TACR3: variants seen among roughly 807,000 people sequenced by gnomAD.
TACR3 encodes the protein tachykinin receptor 3.
In TACR3, 34 loss-of-function variants were observed where a neutral mutation model predicts 35.0. The ratio of observed to expected loss-of-function variants is 0.97; its 90% CI spans 0.74 to 1.30. The LOEUF is 1.30. Among genes scored for constraint, TACR3 ranks in the 50% most tolerant of loss-of-function variants. The pLI is 0.00. For missense variants in TACR3, 558 were observed against 591.7 expected, an observed-to-expected ratio of 0.94 and a Z score of 0.59; for synonymous variants, 233 against 221.1, an observed-to-expected ratio of 1.05 and a Z score of -0.48.
intron 3 of TACR3, among the ~76,000 whole-genome samples, chr4:103,640,255 A>G (rs1560818694): frequency 1.3e-5 from 2 of 152,102 alleles, no homozygotes; most frequent in Non-Finnish European, 1.5e-5. Flanking sequence ...AAAGATATGT[A>G]TGTATATGTG....
rs539098592 is a variant in TACR3, at chr4:103,645,458, A to G, written c.888+10736T>C. Among the ~76,000 whole-genome samples the G allele has an allele frequency of 9.5e-4, 135 of 142,442 alleles. 1 individual carries two copies. Among genetic ancestry groups the G allele is most frequent in the Middle Eastern group, 3.5e-3 (1 of 288 alleles). The allele number at this position is 142,442 out of a possible 152,430, so 93.4% of individuals were successfully genotyped here. ...TGTTGCTGCTGTTGTCACTTTGGTG[A>G]AATGTATAGCCACAGGAAATTTGAC... On this transcript the variant is annotated intron_variant, in intron 3 of 4. Transcript: ENST00000304883.
intron 3 of TACR3, among the ~76,000 whole-genome samples, chr4:103,596,770 G>T (rs886177536): frequency 6.8e-6 from 1 of 146,648 alleles, no homozygotes; most frequent in African/African-American, 2.5e-5. Flanking sequence ...TACCCCACAA[G>T]AGTCCCCAGT....
At chr4:103,699,390 A>T (rs2110222114) in intron 1 of TACR3, among the ~76,000 whole-genome samples, 1 of 152,272 alleles carries the variant, frequency 6.6e-6, no homozygotes, top group Non-Finnish European at 1.5e-5. Context: ...AAGATTACAG[A>T]GTAACAAAGG....
chr4:103,640,748 AT>A (rs201939645), intron 3 of TACR3, among the ~76,000 whole-genome samples: 88 of 151,258 alleles, frequency 5.8e-4, no homozygotes, highest in African/African-American at 2.0e-3. Context: ...TTTTTTTACG[AT>A]TTTTTTTCTT....
chr4:103,591,216 T>C, intron 4 of TACR3: 1 of 466,226 alleles, frequency 2.1e-6, no homozygotes, highest in Non-Finnish European at 3.9e-6. Flanking sequence ...GGTAAAATTC[T>C]GAGATTTTGG....
At position 103,619,391 on chromosome 4, in the gene TACR3, T is replaced by C. The variant is rs189296063; in HGVS notation, c.889-27708A>G. ...TTTTAGTAGAGACAGGGTTTCACCA[T>C]GTTGGCCAGGCTGGTCTTGAACTCC... On this transcript the variant is annotated intron_variant, in intron 3 of 4. Coordinates refer to ENST00000304883, the MANE Select transcript of TACR3 (RefSeq NM_001059.3). Among the ~76,000 whole-genome samples the C allele has an allele frequency of 9.9e-3, 1,507 of 152,294 alleles. 14 individuals are homozygous for C. The highest frequency in any genetic ancestry group is 0.016 in the Non-Finnish European group (1,111 of 68,026).
At chr4:103,628,037 GA>G (rs1379503268) in intron 3 of TACR3, among the ~76,000 whole-genome samples, 5 of 152,120 alleles carry the variant, frequency 3.3e-5, no homozygotes. Flanking sequence ...ACTTGCTCCC[GA>G]ATGACTACTG....
chr4:103,698,204 G>GGA (rs1553912086), intron 1 of TACR3, among the ~76,000 whole-genome samples: 5 of 150,758 alleles, frequency 3.3e-5, no homozygotes, highest in African/African-American at 1.2e-4. Context: ...TTAGCTATGG[G>GGA]AAAAAAAAAC....
intron 4 of TACR3, 127 bp from the exon 5 acceptor site, chr4:103,590,121 A>G: frequency 8.9e-7 from 1 of 1,127,692 alleles, no homozygotes; most frequent in Non-Finnish European, 1.3e-6. Context: ...TTTTAGCCAG[A>G]CTCTTAGAAT....
At chr4:103,678,921 G>A (rs924986591) in intron 1 of TACR3, among the ~76,000 whole-genome samples, 2 of 151,730 alleles carry the variant, frequency 1.3e-5, no homozygotes, top group East Asian at 1.9e-4. Context: ...GGAGGCAAAT[G>A]ACTTATTAGT....
chr4:103,692,395 C>T (rs1220329298), intron 1 of TACR3, among the ~76,000 whole-genome samples: 2 of 152,106 alleles, frequency 1.3e-5, no homozygotes, highest in African/African-American at 2.4e-5. Flanking sequence ...ATTAACATTG[C>T]TTCAAGTTGT....
intron 3 of TACR3, among the ~76,000 whole-genome samples, chr4:103,605,660 C>G (rs1211634904): frequency 6.6e-6 from 1 of 152,212 alleles, no homozygotes; most frequent in East Asian, 1.9e-4. Context: ...CCTTCACCCA[C>G]TTTTCGATGG....
intron 1 of TACR3, among the ~76,000 whole-genome samples, chr4:103,699,978 C>T (rs995374218): frequency 6.6e-6 from 1 of 152,080 alleles, no homozygotes; most frequent in Non-Finnish European, 1.5e-5. Context: ...GAATTACGAG[C>T]CATATCTACT....
intron 3 of TACR3, among the ~76,000 whole-genome samples, chr4:103,620,890 A>C: frequency 1.1e-5 from 1 of 91,682 alleles, no homozygotes; most frequent in East Asian, 2.2e-4. Context: ...TAAAAGTTAA[A>C]TTTTAAAAAA....
chr4:103,631,167 G>A (rs1027844501), intron 3 of TACR3, among the ~76,000 whole-genome samples: 1 of 152,012 alleles, frequency 6.6e-6, no homozygotes, highest in South Asian at 2.1e-4. Flanking sequence ...TCACACATGG[G>A]GGCCTGTCGG....
intron 1 of TACR3, among the ~76,000 whole-genome samples, chr4:103,684,987 TTAAATAAATAAATAAATAAA>T (rs146299787): frequency 7.0e-6 from 1 of 142,096 alleles, no homozygotes; most frequent in South Asian, 2.2e-4. Context: ...CATCTCAAAA[TTAAATAAATAAATAAATAAA>T]TAAATAAATA....
At chr4:103,655,654 C>G (rs940019583) in intron 3 of TACR3, among the ~76,000 whole-genome samples, 2 of 151,768 alleles carry the variant, frequency 1.3e-5, no homozygotes, top group African/African-American at 4.8e-5. Flanking sequence ...TAATACAATC[C>G]TCATCCTTTA....
intron 3 of TACR3, among the ~76,000 whole-genome samples, chr4:103,592,397 T>A (rs1202123682): frequency 6.6e-6 from 1 of 152,208 alleles, no homozygotes; most frequent in African/African-American, 2.4e-5. Context: ...TGTATACTTG[T>A]GAATGATAAT....
rs115750439 is a variant in TACR3 at position 103,681,181 on chromosome 4, C to T, written c.549-22778G>A. ...AAGATAAAATGTCACTTTAGTTATT[C>T]AGAGGCAGTCAAATCACATACAGTA... On this transcript the variant is annotated intron_variant, in intron 1 of 4. Coordinates refer to ENST00000304883, the MANE Select transcript of TACR3 (RefSeq NM_001059.3). Among the ~76,000 whole-genome samples the T allele has an allele frequency of 8.1e-3, 1,236 of 151,966 alleles. 20 individuals carry two copies. The highest frequency in any genetic ancestry group is 0.028 in the African/African-American group (1,180 of 41,514).
Sources: allele counts gnomAD v4.1 joint callset (sites outside exome capture counted in the v4.1 genomes callset), GRCh38; gene constraint gnomAD v4.1.1; transcripts MANE v1.5; gene names NCBI Gene and HGNC (gene_info 2026-07-23, HGNC 2026-07-21).